Variants in UNC5D observed in about 807,000 individuals in gnomAD.
UNC5D encodes the protein unc-5 netrin receptor D, also known as netrin receptor UNC5D.
UNC5D carries 39 observed loss-of-function variants against 105.4 expected under a neutral mutation model. The observed-to-expected ratio is 0.37, with a 90% CI of 0.29 to 0.48. The LOEUF is 0.48. Among genes scored for constraint, UNC5D ranks in the 20% least tolerant of loss-of-function variants. The probability of loss-of-function intolerance (pLI) is 0.98; values close to 1 mark genes in which losing one functional copy is unlikely to be tolerated. For missense variants in UNC5D, 991 were observed against 1,202.4 expected (o/e 0.82, Z 2.60); for synonymous variants, 452 against 450.4 (o/e 1.00, Z -0.04).
chr8:35,343,002 G>A (rs971204957), intron 1 of UNC5D, among the ~76,000 whole-genome samples: 1 of 152,022 alleles, frequency 6.6e-6, no homozygotes, highest in Admixed American at 6.6e-5. Flanking sequence ...TCAGAATCAC[G>A]GGGAGGTCTT....
chr8:35,287,652 G>T (rs891421030), intron 1 of UNC5D, among the ~76,000 whole-genome samples: 1 of 151,242 alleles, frequency 6.6e-6, no homozygotes, highest in African/African-American at 2.4e-5. Context: ...AAGAAAAATT[G>T]CAAAATTCAG....
At chr8:35,350,179 G>A (rs113334687) in intron 1 of UNC5D, among the ~76,000 whole-genome samples, 34 of 151,958 alleles carry the variant, frequency 2.2e-4, no homozygotes, top group African/African-American at 4.8e-4. Flanking sequence ...CAAATTATGC[G>A]TACGAGAATG....
At chr8:35,432,193 A>C (rs1018377344) in intron 1 of UNC5D, among the ~76,000 whole-genome samples, 1 of 152,110 alleles carries the variant, frequency 6.6e-6, no homozygotes, top group Non-Finnish European at 1.5e-5. Context: ...CTTACATCGT[A>C]ATATTATCGT....
At chr8:35,746,166 T>C (rs1829997277) in intron 11 of UNC5D, among the ~76,000 whole-genome samples, 1 of 152,154 alleles carries the variant, frequency 6.6e-6, no homozygotes, top group African/African-American at 2.4e-5. Flanking sequence ...AAAAGTACAA[T>C]CTGGTCACTG....
chr8:35,631,805 G>A (rs1028914127), intron 4 of UNC5D, among the ~76,000 whole-genome samples: 2 of 152,212 alleles, frequency 1.3e-5, no homozygotes, highest in African/African-American at 4.8e-5. Flanking sequence ...ATTATTGAGA[G>A]TAGTTAGAGA....
At chr8:35,639,543 G>A (rs938754263) in intron 4 of UNC5D, among the ~76,000 whole-genome samples, 15 of 151,878 alleles carry the variant, frequency 9.9e-5, no homozygotes, top group Non-Finnish European at 1.8e-4. Context: ...ATGTTTCTGC[G>A]GGGTACTGTA....
At chr8:35,359,627 T>A (rs1801751149) in intron 1 of UNC5D, among the ~76,000 whole-genome samples, 1 of 152,338 alleles carries the variant, frequency 6.6e-6, no homozygotes, top group African/African-American at 2.4e-5. Context: ...AGGTTTCTCC[T>A]TTCTTTGAAT....
Position 35,271,729 on chromosome 8 carries a change from GTATACATATATATT to G in UNC5D, c.103+35850_103+35863del, listed in dbSNP as rs1805400986. 2.6e-5 allele frequency among the ~76,000 whole-genome samples: 3 copies of G among 113,560 alleles called. No homozygotes were observed. The South Asian group carries it at 7.8e-4, about 29-fold the overall frequency. 74.5% of individuals were successfully genotyped at this position (113,560 alleles called of 152,430 possible). A position where few individuals can be genotyped will look rare whatever the true frequency, so the allele number is the denominator to read the frequency against. On this transcript the variant is annotated intron_variant, in intron 1 of 16. Transcript: ENST00000404895. ...CATATATATTTATACATGTATACAT[GTATACATATATATT>G]TATACATGTATACATGTATACATAT...
chr8:35,604,884 T>G (rs954577405), intron 4 of UNC5D, among the ~76,000 whole-genome samples: 3 of 152,228 alleles, frequency 2.0e-5, no homozygotes, highest in African/African-American at 7.2e-5. Context: ...TGCCATGGTT[T>G]TCAGCTCCAT....
At chr8:35,391,221 G>A (rs1297176582) in intron 1 of UNC5D, among the ~76,000 whole-genome samples, 1 of 152,176 alleles carries the variant, frequency 6.6e-6, no homozygotes, top group Non-Finnish European at 1.5e-5. Context: ...GTTGTAAAGT[G>A]CGGAAGAAGC....
At chr8:35,602,348 T>A (rs780232591) in intron 4 of UNC5D, among the ~76,000 whole-genome samples, 4 of 152,182 alleles carry the variant, frequency 2.6e-5, no homozygotes, top group Non-Finnish European at 5.9e-5. Context: ...TTTTTTCTAT[T>A]GATTGGAATA....
At chr8:35,280,081 C>T (rs563807045) in intron 1 of UNC5D, among the ~76,000 whole-genome samples, 26 of 152,202 alleles carry the variant, frequency 1.7e-4, no homozygotes, top group African/African-American at 4.6e-4. Context: ...CTGAGACCTC[C>T]GCCTCCTAGG....
intron 15 of UNC5D, among the ~76,000 whole-genome samples, chr8:35,774,013 T>C (rs979610757): frequency 6.6e-6 from 1 of 152,176 alleles, no homozygotes; most frequent in African/African-American, 2.4e-5. Flanking sequence ...CATGAGCCAC[T>C]GTGCCCAGCC....
intron 4 of UNC5D, among the ~76,000 whole-genome samples, chr8:35,606,279 C>T (rs1488160759): frequency 6.6e-6 from 1 of 152,116 alleles, no homozygotes; most frequent in Non-Finnish European, 1.5e-5. Flanking sequence ...AGCCACCGCA[C>T]CTGACCCAGT....
At chr8:35,470,991 A>G (rs943707144) in intron 1 of UNC5D, among the ~76,000 whole-genome samples, 7 of 152,062 alleles carry the variant, frequency 4.6e-5, no homozygotes, top group African/African-American at 1.7e-4. Context: ...TAACTCAAAG[A>G]GATTTAATTA....
intron 1 of UNC5D, among the ~76,000 whole-genome samples, chr8:35,452,617 C>T (rs981744912): frequency 2.6e-5 from 4 of 152,196 alleles, no homozygotes; most frequent in African/African-American, 9.6e-5. Flanking sequence ...ATGATAGTAT[C>T]CTAGTTACAC....
At chr8:35,560,776 GAA>G (rs1816899746) in intron 2 of UNC5D, among the ~76,000 whole-genome samples, 1 of 152,116 alleles carries the variant, frequency 6.6e-6, no homozygotes, top group Non-Finnish European at 1.5e-5. Flanking sequence ...CACTGGTTGG[GAA>G]AATACTGTGT....
At chr8:35,619,949 C>CCCTA (rs1436566446) in intron 4 of UNC5D, among the ~76,000 whole-genome samples, 2 of 152,178 alleles carry the variant, frequency 1.3e-5, no homozygotes, top group African/African-American at 4.8e-5. Context: ...TGTGGCCCAG[C>CCCTA]CCTAGCCTTG....
At position 35,549,457 on chromosome 8, in the gene UNC5D, A is replaced by G; in HGVS notation, c.269A>G (p.Glu90Gly). ...CAGATATTCTTCAAATGCAACGGCGAGTGGGTCCATCAGAACGAGCACGTC... is the reference window on the plus strand; with the variant it reads ...CAGATATTCTTCAAATGCAACGGCGGGTGGGTCCATCAGAACGAGCACGTC... ...AMQIFFKCNG[E>G]WVHQNEHVSE... is the part of the protein sequence containing the mutation. Residue 90 changes from glutamate (E) to glycine (G), a missense_variant, in exon 2 of 17, where the codon GAG becomes GGG. By Grantham distance (98) the Glu-to-Gly change is moderately conservative. This residue lies in a region of UNC5D where 944 missense variants were observed against 1,131.6 expected (regional missense o/e 0.83). Coordinates refer to ENST00000404895, the MANE Select transcript of UNC5D (RefSeq NM_080872.4). The G allele has an allele frequency of 6.2e-7, 1 of 1,612,704 alleles. No individual in the cohort carries two copies. The highest frequency in any genetic ancestry group is 8.5e-7 in the Non-Finnish European group (1 of 1,179,966).
Sources: gnomAD v4.1 joint callset for allele counts (sites outside exome capture counted in the v4.1 genomes callset) on GRCh38, gnomAD v4.1.1 for gene constraint, gnomAD v4.1.1 regional missense constraint, MANE v1.5 for transcripts, NCBI Gene and HGNC (gene_info 2026-07-23, HGNC 2026-07-21) for gene names.